Variants in EPS15 observed in about 807,000 individuals in gnomAD.
EPS15 encodes the protein epidermal growth factor receptor substrate 15.
A neutral mutation model predicts 113.8 loss-of-function variants in EPS15; 72 were observed. That is an observed-to-expected ratio of 0.63 (90% CI 0.52 to 0.77). EPS15 has a LOEUF of 0.77. Among genes scored for constraint, EPS15 ranks in the 30% least tolerant of loss-of-function variants. The pLI is 0.00. For missense variants in EPS15, 1,048 were observed against 1,045.8 expected (o/e 1.00, Z -0.03); for synonymous variants, 344 against 363.4 (o/e 0.95, Z 0.61).
At chr1:51,448,189 C>T (rs1488127222) in intron 8 of EPS15, 54 bp from the exon 9 acceptor site, 12 of 1,017,560 alleles carry the variant, frequency 1.2e-5, no homozygotes, top group Non-Finnish European at 1.6e-5. Flanking sequence ...AACATCCACC[C>T]ACTGAATTGA....
chr1:51,374,996 C>CTTTTTT (rs761941054), intron 21 of EPS15, among the ~76,000 whole-genome samples: 55 of 108,772 alleles, frequency 5.1e-4, no homozygotes, highest in Non-Finnish European at 6.1e-4. Context: ...TAATATACTT[C>CTTTTTT]TTTTTTTTTT....
At chr1:51,380,375 C>T (rs1406838184) in intron 21 of EPS15, among the ~76,000 whole-genome samples, 1 of 152,118 alleles carries the variant, frequency 6.6e-6, no homozygotes, top group African/African-American at 2.4e-5. Context: ...TACTATAATA[C>T]TGGCTCACAA....
chr1:51,359,607 A>C (rs1414837467), intron 24 of EPS15, among the ~76,000 whole-genome samples: 1 of 150,874 alleles, frequency 6.6e-6, no homozygotes, highest in Non-Finnish European at 1.5e-5. Flanking sequence ...TAAAAATACA[A>C]AATTAGCCAG....
At chr1:51,504,262 T>C (rs567587718) in intron 1 of EPS15, among the ~76,000 whole-genome samples, 1 of 151,826 alleles carries the variant, frequency 6.6e-6, no homozygotes, top group East Asian at 1.9e-4. Context: ...TAAAAACAAT[T>C]AGCTGGGCAA....
rs1024827487 is a variant in EPS15, at chr1:51,505,785, T to C, written c.33+13414A>G. 7.2e-5 allele frequency among the ~76,000 whole-genome samples: 11 copies of C among 152,202 alleles called. No homozygotes were observed. The East Asian group carries it at 1.2e-3, about 16-fold the overall frequency. On this transcript the variant is annotated intron_variant, in intron 1 of 24. Coordinates refer to ENST00000371733, the MANE Select transcript of EPS15 (RefSeq NM_001981.3). ...AAGTAAACAATGTTTAAATATTTTATTTTATTTTTATTTATTTATTTATTT... is the reference window on the plus strand; with the variant it reads ...AAGTAAACAATGTTTAAATATTTTACTTTATTTTTATTTATTTATTTATTT...
chr1:51,464,480 T>C (rs1039602849), intron 6 of EPS15, among the ~76,000 whole-genome samples: 6 of 152,108 alleles, frequency 3.9e-5, no homozygotes, highest in Non-Finnish European at 8.8e-5. Context: ...GACCTCATGA[T>C]CTGCCCGCCT....
At chr1:51,491,225 T>C (rs1212267858) in intron 1 of EPS15, among the ~76,000 whole-genome samples, 1 of 152,232 alleles carries the variant, frequency 6.6e-6, no homozygotes, top group Admixed American at 6.5e-5. Flanking sequence ...AAATTATTTC[T>C]GACATATTAA....
At chr1:51,418,550 T>C (rs957324132) in intron 13 of EPS15, among the ~76,000 whole-genome samples, 6 of 151,796 alleles carry the variant, frequency 4.0e-5, no homozygotes, top group Non-Finnish European at 8.8e-5. Flanking sequence ...AATAAGTTGG[T>C]AGTTAAAGTG....
In EPS15 at chr1:51,406,120, A is replaced by G. The variant is rs1557437181; in HGVS notation, c.1474-12T>C. On this transcript the variant is annotated splice_polypyrimidine_tract_variant and intron_variant, in intron 15 of 24. Coordinates refer to ENST00000371733, the MANE Select transcript of EPS15 (RefSeq NM_001981.3). ...AGTTTCATTTGCATCTGCCAACACA[A>G]AGAAGAAATATAGAACAGAATTTAT... 1 of 1,608,460 alleles carries G rather than the reference A, an allele frequency of 6.2e-7. No individual in the cohort carries two copies. Among genetic ancestry groups the G allele is most frequent in the Non-Finnish European group, 8.5e-7 (1 of 1,176,448 alleles).
intron 2 of EPS15, among the ~76,000 whole-genome samples, chr1:51,479,353 T>C (rs1004472298): frequency 6.6e-6 from 1 of 152,182 alleles, no homozygotes; most frequent in Admixed American, 6.5e-5. Flanking sequence ...TAGCCATTCG[T>C]CTAATCTTTT....
rs1570439073 is a variant in EPS15 at position 51,501,779 on chromosome 1, A to T, written c.33+17420T>A. Reference sequence around the variant, plus strand: ...CAGGTGAGAGCGGCTGCACCCTGCCACATTATTAATTTTAAGATAAACTAC... The same window carrying T: ...CAGGTGAGAGCGGCTGCACCCTGCCTCATTATTAATTTTAAGATAAACTAC... On this transcript the variant is annotated intron_variant, in intron 1 of 24. Coordinates refer to ENST00000371733, the MANE Select transcript of EPS15 (RefSeq NM_001981.3). Among the ~76,000 whole-genome samples, 6 of 152,116 alleles carry T rather than the reference A, an allele frequency of 3.9e-5. No homozygotes were observed. In the South Asian group the frequency reaches 1.2e-3, roughly 32 times the overall value.
intron 8 of EPS15, chr1:51,458,463 G>A (rs1330799639): frequency 2.5e-6 from 1 of 394,392 alleles, no homozygotes. Flanking sequence ...TGGGCCTGAA[G>A]AGGTGGCTCA....
At chr1:51,362,491 AC>A (rs1320816293) in intron 23 of EPS15, among the ~76,000 whole-genome samples, 2 of 152,220 alleles carry the variant, frequency 1.3e-5, no homozygotes, top group African/African-American at 2.4e-5. Context: ...ATTTAAAAAA[AC>A]AACCTCACTA....
chr1:51,471,608 T>C (rs1191108640), intron 4 of EPS15, 82 bp downstream of exon 4: 1 of 1,152,752 alleles, frequency 8.7e-7, no homozygotes, highest in Admixed American at 2.0e-5. Flanking sequence ...AATTCTTGGC[T>C]TCAAAATACA....
At chr1:51,476,117 T>A (rs1258450473) in intron 2 of EPS15, among the ~76,000 whole-genome samples, 1 of 152,238 alleles carries the variant, frequency 6.6e-6, no homozygotes, top group Non-Finnish European at 1.5e-5. Flanking sequence ...GGTAGTGTAA[T>A]GCCTCCAGCT....
chr1:51,402,553 T>A (rs1327761145), intron 17 of EPS15, 28 bp from the exon 18 acceptor site: 2 of 1,234,052 alleles, frequency 1.6e-6, no homozygotes, highest in Non-Finnish European at 2.3e-6. Flanking sequence ...TTAAAATTAT[T>A]TTTTAGAAAC....
intron 8 of EPS15, among the ~76,000 whole-genome samples, chr1:51,454,934 G>GA (rs1016339300): frequency 0.011 from 1,383 of 130,204 alleles, 7 homozygotes; most frequent in African/African-American, 0.028. Context: ...AGTTCATTAG[G>GA]AAAAAAAAAA....
chr1:51,437,198 T>G lies in EPS15; in HGVS notation c.1040+3149A>C, dbSNP rs187938738. On this transcript the variant is annotated intron_variant, in intron 12 of 24. Coordinates refer to ENST00000371733, the MANE Select transcript of EPS15 (RefSeq NM_001981.3). The stretch of plus-strand genomic sequence containing the variant: ...AAAGATGAAAACAAAGACAACGAAA[T>G]CTCATTTTCTGACCAATAACAAAGA... Among the ~76,000 whole-genome samples the G allele has an allele frequency of 1.6e-3, 250 of 152,236 alleles. 3 individuals are homozygous for G. The highest frequency in any genetic ancestry group is 0.01 in the Middle Eastern group (3 of 294).
At chr1:51,374,928 G>A (rs900388359) in intron 21 of EPS15, among the ~76,000 whole-genome samples, 1 of 150,756 alleles carries the variant, frequency 6.6e-6, no homozygotes, top group Non-Finnish European at 1.5e-5. Flanking sequence ...TGTCTGCCTC[G>A]GCCTCCCAAA....
Sources: allele counts gnomAD v4.1 joint callset (sites outside exome capture counted in the v4.1 genomes callset), GRCh38; gene constraint gnomAD v4.1.1; transcripts MANE v1.5; gene names NCBI Gene and HGNC (gene_info 2026-07-23, HGNC 2026-07-21).